The following PTPRD variants were observed in gnomAD, a reference collection of about 807,000 sequenced individuals.
The protein encoded by PTPRD is protein tyrosine phosphatase receptor type D.
Under a neutral mutation model 214.5 loss-of-function variants are expected in PTPRD, and 34 were observed. The ratio of observed to expected loss-of-function variants is 0.16; its 90% CI spans 0.12 to 0.21. PTPRD has a LOEUF of 0.21. PTPRD is among the 10% of genes least tolerant of loss of function. The pLI is 1.00. For synonymous variants in PTPRD, 1,128 were observed against 845.7 expected, an observed-to-expected ratio of 1.33 and a Z score of -5.79; for missense variants, 2,545 against 2,398.7, an observed-to-expected ratio of 1.06 and a Z score of -1.27.
intron 10 of PTPRD, among the ~76,000 whole-genome samples, chr9:9,059,620 A>T (rs1393135295): frequency 6.6e-6 from 1 of 152,160 alleles, no homozygotes; most frequent in African/African-American, 2.4e-5. Flanking sequence ...CACATTTGTT[A>T]GTAAAAGTTA....
chr9:8,412,549 C>T (rs1256760388), intron 35 of PTPRD, among the ~76,000 whole-genome samples: 1 of 151,966 alleles, frequency 6.6e-6, no homozygotes, highest in Non-Finnish European at 1.5e-5. Context: ...TGTATAGATC[C>T]CAAAGTATTA....
At chr9:9,486,860 C>A (rs751796182) in intron 8 of PTPRD, among the ~76,000 whole-genome samples, 5 of 152,128 alleles carry the variant, frequency 3.3e-5, no homozygotes, top group Admixed American at 6.6e-5. Flanking sequence ...AAATTTTACT[C>A]TCCACCTCTA....
chr9:9,831,772 G>A (rs1234198621), intron 5 of PTPRD, among the ~76,000 whole-genome samples: 1 of 151,910 alleles, frequency 6.6e-6, no homozygotes, highest in East Asian at 1.9e-4. Context: ...GTAAATCTTT[G>A]GCTTCTAATG....
intron 2 of PTPRD, among the ~76,000 whole-genome samples, chr9:10,461,025 T>C (rs1293687512): frequency 6.6e-6 from 1 of 152,064 alleles, no homozygotes; most frequent in African/African-American, 2.4e-5. Context: ...GATTTACACA[T>C]AATTCATACA....
chr9:9,813,722 T>C (rs900505343), intron 5 of PTPRD, among the ~76,000 whole-genome samples: 1 of 152,106 alleles, frequency 6.6e-6, no homozygotes, highest in African/African-American at 2.4e-5. Context: ...TTTCAAACTT[T>C]TCTAAAAATT....
intron 9 of PTPRD, among the ~76,000 whole-genome samples, chr9:9,236,467 C>A (rs950939284): frequency 6.6e-6 from 1 of 151,712 alleles, no homozygotes; most frequent in African/African-American, 2.4e-5. Context: ...ATAAATTCTC[C>A]TCTCTGCCCT....
At chr9:10,599,052 A>G (rs2077334541) in intron 2 of PTPRD, among the ~76,000 whole-genome samples, 1 of 151,684 alleles carries the variant, frequency 6.6e-6, no homozygotes, top group South Asian at 2.1e-4. Context: ...ATGACCACTT[A>G]TCTAGGTTCA....
At chr9:9,275,657 T>C (rs1293169201) in intron 9 of PTPRD, among the ~76,000 whole-genome samples, 1 of 151,188 alleles carries the variant, frequency 6.6e-6, no homozygotes, top group Non-Finnish European at 1.5e-5. Flanking sequence ...CCCCAGAATA[T>C]TGTCTTTCTA....
intron 3 of PTPRD, among the ~76,000 whole-genome samples, chr9:10,117,295 A>G (rs1298925070): frequency 6.6e-6 from 1 of 152,156 alleles, no homozygotes. Context: ...CTGAGAAGTT[A>G]GACAGAAAGT....
At chr9:8,805,945 A>C (rs1281691631) in intron 11 of PTPRD, among the ~76,000 whole-genome samples, 12 of 141,942 alleles carry the variant, frequency 8.5e-5, no homozygotes, top group Non-Finnish European at 1.5e-4. Context: ...CAGTGAGCCG[A>C]GATTATGCCA....
At chr9:9,238,086 C>T (rs2099968099) in intron 9 of PTPRD, among the ~76,000 whole-genome samples, 1 of 152,090 alleles carries the variant, frequency 6.6e-6, no homozygotes, top group Admixed American at 6.6e-5. Context: ...CTGGCAGCCA[C>T]ATGAAGGGAC....
At chr9:9,879,300 G>A (rs1414764865) in intron 5 of PTPRD, among the ~76,000 whole-genome samples, 2 of 152,118 alleles carry the variant, frequency 1.3e-5, no homozygotes, top group Non-Finnish European at 2.9e-5. Flanking sequence ...TTGTTTAGTA[G>A]CATCCCTGGC....
At chr9:10,085,210 A>C (rs2098313711) in intron 3 of PTPRD, among the ~76,000 whole-genome samples, 1 of 151,876 alleles carries the variant, frequency 6.6e-6, no homozygotes, top group African/African-American at 2.4e-5. Flanking sequence ...TTTATAAATA[A>C]GTATATACCA....
At chr9:9,636,156 C>CT (rs1240799797) in intron 7 of PTPRD, among the ~76,000 whole-genome samples, 1 of 152,108 alleles carries the variant, frequency 6.6e-6, no homozygotes, top group Non-Finnish European at 1.5e-5. Context: ...ACCTGAAACA[C>CT]TTTTTTGCCC....
intron 5 of PTPRD, among the ~76,000 whole-genome samples, chr9:9,908,357 C>G (rs997788578): frequency 6.6e-6 from 1 of 151,940 alleles, no homozygotes; most frequent in Non-Finnish European, 1.5e-5. Context: ...GGCATTTCAA[C>G]TGGAACATGT....
At chr9:9,786,768 A>G (rs1011463059) in intron 5 of PTPRD, among the ~76,000 whole-genome samples, 2 of 152,064 alleles carry the variant, frequency 1.3e-5, no homozygotes, top group Non-Finnish European at 2.9e-5. Context: ...AACTTAAAGT[A>G]TAATAAAAAA....
intron 6 of PTPRD, among the ~76,000 whole-genome samples, chr9:9,744,662 T>C (rs1242153889): frequency 6.6e-6 from 1 of 151,992 alleles, no homozygotes; most frequent in Non-Finnish European, 1.5e-5. Flanking sequence ...TACATAAATA[T>C]ATCTTCAAGT....
chr9:10,570,623 A>AT (rs537968085), intron 2 of PTPRD, among the ~76,000 whole-genome samples: 87 of 152,140 alleles, frequency 5.7e-4, no homozygotes, highest in African/African-American at 2.0e-3. Flanking sequence ...TTATTATTTT[A>AT]TTCCATGGCC....
intron 3 of PTPRD, among the ~76,000 whole-genome samples, chr9:10,316,884 T>C (rs184098076): frequency 9.9e-5 from 15 of 152,086 alleles, no homozygotes; most frequent in African/African-American, 3.1e-4. Flanking sequence ...CAATTTACAC[T>C]GTAGGCTGAG....
Sources: gnomAD v4.1 joint callset for allele counts (sites outside exome capture counted in the v4.1 genomes callset) on GRCh38, gnomAD v4.1.1 for gene constraint, MANE v1.5 for transcripts, NCBI Gene and HGNC (gene_info 2026-07-23, HGNC 2026-07-21) for gene names.